The following DOK5 variants were observed in gnomAD, a reference collection of about 807,000 sequenced individuals.
The protein encoded by DOK5 is docking protein 5.
In DOK5, 27 loss-of-function variants were observed where a neutral mutation model predicts 43.3. The observed-to-expected ratio is 0.62, with a 90% CI of 0.46 to 0.86. DOK5 has a LOEUF of 0.86. Among genes scored for constraint, DOK5 ranks in the 40% least tolerant of loss-of-function variants. The pLI is 0.00. For synonymous variants in DOK5, 146 were observed against 140.1 expected (o/e 1.04, Z -0.30); for missense variants, 373 against 392.9 (o/e 0.95, Z 0.43).
chr20:54,480,269 G>A (rs1981616462), intron 1 of DOK5, among the ~76,000 whole-genome samples: 1 of 152,080 alleles, frequency 6.6e-6, no homozygotes, highest in South Asian at 2.1e-4. Context: ...GGATGAGATA[G>A]GAGGTCGGCA....
chr20:54,570,665 T>C (rs1433775529), intron 2 of DOK5, among the ~76,000 whole-genome samples: 1 of 152,204 alleles, frequency 6.6e-6, no homozygotes, highest in African/African-American at 2.4e-5. Context: ...AAATGGCTTT[T>C]GACTTTGCAG....
chr20:54,586,398 A>G (rs2146764260), intron 2 of DOK5, among the ~76,000 whole-genome samples: 1 of 152,314 alleles, frequency 6.6e-6, no homozygotes, highest in Middle Eastern at 3.4e-3. Context: ...AAGAAGCAGG[A>G]AAGAGAGGCA....
At chr20:54,563,783 A>G (rs1381001824) in intron 2 of DOK5, among the ~76,000 whole-genome samples, 1 of 151,192 alleles carries the variant, frequency 6.6e-6, no homozygotes, top group Non-Finnish European at 1.5e-5. Context: ...GGAAGCAAAG[A>G]TCTTTTAGTT....
chr20:54,552,966 A>G (rs1041170160), intron 1 of DOK5, among the ~76,000 whole-genome samples: 3 of 152,220 alleles, frequency 2.0e-5, no homozygotes, highest in Non-Finnish European at 2.9e-5. Flanking sequence ...CTATGTTTTG[A>G]AGGACCAAAT....
chr20:54,544,575 A>G (rs1301057356), intron 1 of DOK5, among the ~76,000 whole-genome samples: 2 of 152,234 alleles, frequency 1.3e-5, no homozygotes, highest in Admixed American at 1.3e-4. Context: ...GAATTGCAGT[A>G]GGGAAATAGT....
At chr20:54,556,393 T>G (rs192997240) in intron 2 of DOK5, among the ~76,000 whole-genome samples, 4 of 152,342 alleles carry the variant, frequency 2.6e-5, no homozygotes, top group Admixed American at 1.3e-4. Flanking sequence ...GAATTGAAAA[T>G]GTATTATTTA....
chr20:54,484,331 A>T (rs956542751), intron 1 of DOK5, among the ~76,000 whole-genome samples: 2 of 151,812 alleles, frequency 1.3e-5, no homozygotes, highest in Non-Finnish European at 2.9e-5. Flanking sequence ...TTGAGCCGAG[A>T]TTGCGCCACT....
At chr20:54,618,079 C>T (rs1446828362) in intron 6 of DOK5, among the ~76,000 whole-genome samples, 1 of 152,178 alleles carries the variant, frequency 6.6e-6, no homozygotes, top group Non-Finnish European at 1.5e-5. Context: ...GGCCTATGCT[C>T]CTACAGGGCT....
At chr20:54,596,688 G>A (rs1354754951) in intron 5 of DOK5, among the ~76,000 whole-genome samples, 1 of 152,086 alleles carries the variant, frequency 6.6e-6, no homozygotes, top group Non-Finnish European at 1.5e-5. Context: ...ATTAAATAAA[G>A]GCACATGTAA....
intron 1 of DOK5, among the ~76,000 whole-genome samples, chr20:54,490,858 G>T (rs780931419): frequency 2.0e-5 from 3 of 152,226 alleles, no homozygotes; most frequent in Non-Finnish European, 4.4e-5. Context: ...AAAGTGCTGG[G>T]ATTACAGGCG....
chr20:54,619,063 A>G (rs1238863025), intron 6 of DOK5, among the ~76,000 whole-genome samples: 1 of 118,546 alleles, frequency 8.4e-6, no homozygotes, highest in Non-Finnish European at 1.7e-5. Flanking sequence ...ATATATATAT[A>G]TATATATATA....
In DOK5 at chr20:54,650,686, G is replaced by A. The variant is rs1433928417; in HGVS notation, c.*207G>A. 1 of 488,880 alleles carries A rather than the reference G, an allele frequency of 2.0e-6. No individual in the cohort carries two copies. The highest frequency in any genetic ancestry group is 3.6e-6 in the Non-Finnish European group (1 of 277,928). The allele number at this position is 488,880 out of a possible 1,614,324, so 30.3% of individuals were successfully genotyped here. A position where few individuals can be genotyped will look rare whatever the true frequency, so the allele number is the denominator to read the frequency against. On this transcript the variant is annotated 3_prime_UTR_variant, in exon 8 of 8. Transcript: ENST00000262593. Reference sequence around the variant, plus strand: ...TAAATTCTTAGTGTAATTGAAACGTGCTCTATAGATATTGACTCTGTGTTC... The same window carrying A: ...TAAATTCTTAGTGTAATTGAAACGTACTCTATAGATATTGACTCTGTGTTC...
intron 1 of DOK5, among the ~76,000 whole-genome samples, chr20:54,506,026 A>G (rs1014173764): frequency 6.6e-6 from 1 of 152,188 alleles, no homozygotes; most frequent in Admixed American, 6.5e-5. Context: ...CATTTTAAAA[A>G]CATCACTCTG....
At chr20:54,495,015 A>C (rs1014647084) in intron 1 of DOK5, 1 of 151,840 alleles carries the variant, frequency 6.6e-6, no homozygotes, top group African/African-American at 2.4e-5. Context: ...AATGTTCTCA[A>C]AACTAAAATG....
At chr20:54,601,303 G>A (rs1310964353) in intron 5 of DOK5, among the ~76,000 whole-genome samples, 2 of 152,234 alleles carry the variant, frequency 1.3e-5, no homozygotes, top group East Asian at 3.8e-4. Flanking sequence ...GTTTAGAACT[G>A]TTAAAAGCAC....
chr20:54,612,234 G>A (rs914672684), intron 6 of DOK5, among the ~76,000 whole-genome samples: 1 of 152,182 alleles, frequency 6.6e-6, no homozygotes, highest in African/African-American at 2.4e-5. Flanking sequence ...GCAGGACAGA[G>A]CTTATACTTG....
rs998719465 is a variant in DOK5 at position 54,641,686 on chromosome 20, G to A, written c.736-1772G>A. On this transcript the variant is annotated intron_variant, in intron 6 of 7. Coordinates refer to ENST00000262593, the MANE Select transcript of DOK5 (RefSeq NM_018431.5). ...TCCAAATGGATAGGTGTATAATTTC[G>A]ACAATTTTCATATGAGCAACTAAAA... Among the ~76,000 whole-genome samples, 14 of 151,864 alleles carry A rather than the reference G, an allele frequency of 9.2e-5. No individual in the cohort carries two copies. In the South Asian group the frequency reaches 1.5e-3, roughly 16 times the overall value.
intron 6 of DOK5, among the ~76,000 whole-genome samples, chr20:54,627,250 T>A (rs566290571): frequency 6.6e-6 from 1 of 152,362 alleles, no homozygotes; most frequent in South Asian, 2.1e-4. Flanking sequence ...ACAGTTCTTA[T>A]AGATTGTTAA....
chr20:54,610,713 T>C (rs1427066997), intron 6 of DOK5, among the ~76,000 whole-genome samples, 190 bp downstream of exon 6: 1 of 152,240 alleles, frequency 6.6e-6, no homozygotes, highest in Non-Finnish European at 1.5e-5. Flanking sequence ...ACCTTGGCCA[T>C]ACATCCCCAT....
Sources: allele counts gnomAD v4.1 joint callset (sites outside exome capture counted in the v4.1 genomes callset), GRCh38; gene constraint gnomAD v4.1.1; transcripts MANE v1.5; gene names NCBI Gene and HGNC (gene_info 2026-07-23, HGNC 2026-07-21).